CHDH: variants seen among roughly 807,000 people sequenced by gnomAD.
The protein encoded by CHDH is choline dehydrogenase, mitochondrial.
Under a neutral mutation model 56.9 loss-of-function variants are expected in CHDH, and 43 were observed. The ratio of observed to expected loss-of-function variants is 0.76; its 90% CI spans 0.59 to 0.97. The LOEUF is 0.97. CHDH is among the 50% of genes least tolerant of loss of function. The pLI is 0.00. For missense variants in CHDH, 816 were observed against 821.1 expected (o/e 0.99, Z 0.08); for synonymous variants, 364 against 348.5 (o/e 1.04, Z -0.50).
chr3:53,819,400 G>A lies in CHDH; in HGVS notation c.1263+132C>T, dbSNP rs544276983. 3.7e-5 allele frequency: 45 copies of A among 1,224,518 alleles called. No homozygotes were observed. The South Asian group carries it at 5.6e-4, about 15-fold the overall frequency. 75.9% of individuals were successfully genotyped at this position (1,224,518 alleles called of 1,614,324 possible). On this transcript the variant is annotated intron_variant, in intron 7 of 8. Transcript: ENST00000315251. The surrounding 1 kb of genome is among the most constrained non-coding windows in gnomAD (Gnocchi z 5.4). ...ACACGCTGGGCAGCTGGAAGGCAGG[G>A]GACAGGCCTCTGTGTCCCCCACTCT...
chr3:53,835,054 G>A (rs748117073), intron 2 of CHDH, among the ~76,000 whole-genome samples: 8 of 152,198 alleles, frequency 5.3e-5, no homozygotes, highest in Non-Finnish European at 8.8e-5. Context: ...AAAAACAGAT[G>A]CAATTTAAAG....
At chr3:53,826,315 T>TAAAA (rs59355780) in intron 2 of CHDH, among the ~76,000 whole-genome samples, 1 of 139,852 alleles carries the variant, frequency 7.2e-6, no homozygotes, top group African/African-American at 2.5e-5. Flanking sequence ...GACATTACAA[T>TAAAA]AAAAAAAAAA....
At chr3:53,841,469 G>A (rs1698668203) in intron 1 of CHDH, among the ~76,000 whole-genome samples, 1 of 152,210 alleles carries the variant, frequency 6.6e-6, no homozygotes, top group African/African-American at 2.4e-5. Context: ...ACCCAGGCTG[G>A]AGTGCAGTGG....
intron 1 of CHDH, among the ~76,000 whole-genome samples, chr3:53,843,206 G>GTTTTTTTTTT (rs1263452743): frequency 8.1e-6 from 1 of 123,672 alleles, no homozygotes; most frequent in Non-Finnish European, 1.5e-5. Flanking sequence ...TTTTTTTTTG[G>GTTTTTTTTTT]TTCTGCCTCT....
chr3:53,827,766 T>C (rs1420155697), intron 2 of CHDH, among the ~76,000 whole-genome samples: 1 of 152,264 alleles, frequency 6.6e-6, no homozygotes, highest in African/African-American at 2.4e-5. Flanking sequence ...AGATATTTCA[T>C]GTTCGCAAAT....
chr3:53,831,370 C>A (rs1259449860), intron 2 of CHDH, among the ~76,000 whole-genome samples: 3 of 152,208 alleles, frequency 2.0e-5, no homozygotes, highest in Non-Finnish European at 4.4e-5. Flanking sequence ...GCCTGGCTGG[C>A]TTCACCGCTG....
rs780415386 is a variant in CHDH at position 53,822,595 on chromosome 3, G to A, written c.751C>T (p.Arg251Cys). Residue 251 changes from arginine (R) to cysteine (C), a missense_variant, in exon 4 of 9, where the codon CGC becomes TGC. Physicochemically the swap from Arg to Cys is radical, Grantham distance 180 (BLOSUM62 -3). Transcript: ENST00000315251. ...ACAYLHPALS[R>C]TNLKAEAETL... ...TCGGCCTCGGCCTTGAGGTTGGTGCGGCTCAGTGCTGGGTGCAGGTAGGCA... is the reference window on the plus strand; with the variant it reads ...TCGGCCTCGGCCTTGAGGTTGGTGCAGCTCAGTGCTGGGTGCAGGTAGGCA... 2.9e-5 allele frequency: 46 copies of A among 1,612,312 alleles called. No homozygotes were observed. Among genetic ancestry groups the A allele is most frequent in the African/African-American group, 6.7e-5 (5 of 74,934 alleles).
intron 1 of CHDH, among the ~76,000 whole-genome samples, chr3:53,843,782 G>T (rs1435030598): frequency 6.6e-6 from 1 of 152,068 alleles, no homozygotes; most frequent in African/African-American, 2.4e-5. Context: ...ATGTCCAAAG[G>T]TCGCTTCTCT....
Position 53,817,688 on chromosome 3 carries a change from G to A in CHDH, c.*89C>T, listed in dbSNP as rs942961896. 26 of 1,170,602 alleles carry A rather than the reference G, an allele frequency of 2.2e-5. No homozygotes were observed. Among genetic ancestry groups the A allele is most frequent in the South Asian group, 7.8e-5 (5 of 64,284 alleles). The allele number at this position is 1,170,602 out of a possible 1,614,324, so 72.5% of individuals were successfully genotyped here. ...CACCTGGGTCCTAGTGTGCTAGATAGTTTCAGGCAGGAGCCTGGGAGCAAG... is the reference window on the plus strand; with the variant it reads ...CACCTGGGTCCTAGTGTGCTAGATAATTTCAGGCAGGAGCCTGGGAGCAAG... On this transcript the variant is annotated 3_prime_UTR_variant, in exon 9 of 9. Transcript: ENST00000315251.
At chr3:53,832,375 C>CA (rs1429966516) in intron 2 of CHDH, among the ~76,000 whole-genome samples, 1 of 151,850 alleles carries the variant, frequency 6.6e-6, no homozygotes, top group Non-Finnish European at 1.5e-5. Flanking sequence ...ACTAAAAATA[C>CA]AAAAAAATTA....
chr3:53,841,563 A>G (rs892770539), intron 1 of CHDH, among the ~76,000 whole-genome samples: 5 of 152,204 alleles, frequency 3.3e-5, no homozygotes, highest in Non-Finnish European at 7.3e-5. Flanking sequence ...AAGGTTAGCC[A>G]GCCAATTTTC....
rs1312387563 is a variant in CHDH, at chr3:53,846,382, T to C, written c.-430A>G. 1 of 489,100 alleles carries C rather than the reference T, an allele frequency of 2.0e-6. No homozygotes were observed. 30.3% of individuals were successfully genotyped at this position (489,100 alleles called of 1,614,324 possible). On this transcript the variant is annotated 5_prime_UTR_variant, in exon 1 of 9. Transcript: ENST00000315251. ...GCGGCGGCCCGTGCTCCGCCAGCGCTCGGACACGGCCCATCCCTCCGAGCC... is the reference window on the plus strand; with the variant it reads ...GCGGCGGCCCGTGCTCCGCCAGCGCCCGGACACGGCCCATCCCTCCGAGCC...
At chr3:53,823,218 G>A in intron 3 of CHDH, 88 bp downstream of exon 3, 1 of 1,245,486 alleles carries the variant, frequency 8.0e-7, no homozygotes, top group Non-Finnish European at 1.1e-6. Flanking sequence ...GACCATGCTG[G>A]AGCCAGGAGC....
Position 53,817,605 on chromosome 3 carries a change from C to T in CHDH, c.*172G>A. On this transcript the variant is annotated 3_prime_UTR_variant, in exon 9 of 9. Coordinates refer to ENST00000315251, the MANE Select transcript of CHDH (RefSeq NM_018397.5). ...GGGGAAAAGGAGCTGGATTCACTGCCCAGTACTTGTCTCATTTCCCAAGAC... is the reference window on the plus strand; with the variant it reads ...GGGGAAAAGGAGCTGGATTCACTGCTCAGTACTTGTCTCATTTCCCAAGAC... 1.6e-6 allele frequency: 1 copy of T among 608,308 alleles called. No individual in the cohort carries two copies. The highest frequency in any genetic ancestry group is 2.8e-5 in the East Asian group (1 of 35,878). The allele number at this position is 608,308 out of a possible 1,614,324, so 37.7% of individuals were successfully genotyped here.
intron 1 of CHDH, among the ~76,000 whole-genome samples, chr3:53,841,322 C>T (rs1698663331): frequency 6.6e-6 from 1 of 152,152 alleles, no homozygotes; most frequent in Non-Finnish European, 1.5e-5. Flanking sequence ...ATCTTCCCTT[C>T]CCACTGTCTG....
chr3:53,830,049 A>C (rs1034568423), intron 2 of CHDH, among the ~76,000 whole-genome samples: 1 of 152,216 alleles, frequency 6.6e-6, no homozygotes, highest in African/African-American at 2.4e-5. Flanking sequence ...TACAGGACCT[A>C]TATACTGAAA....
Position 53,819,162 on chromosome 3 carries a change from G to A in CHDH, c.1264-122C>T. On this transcript the variant is annotated intron_variant, in intron 7 of 8. Coordinates refer to ENST00000315251, the MANE Select transcript of CHDH (RefSeq NM_018397.5). The surrounding 1 kb of genome is among the most constrained non-coding windows in gnomAD (Gnocchi z 5.4). ...CAGAATCAGTGGGGAACAGATGCATGTTAGCATTTGCCCGCATGGTACCCA... is the reference window on the plus strand; with the variant it reads ...CAGAATCAGTGGGGAACAGATGCATATTAGCATTTGCCCGCATGGTACCCA... 2 of 684,632 alleles carry A rather than the reference G, an allele frequency of 2.9e-6. No homozygotes were observed. Among genetic ancestry groups the A allele is most frequent in the South Asian group, 1.8e-5 (1 of 55,516 alleles). 42.4% of individuals were successfully genotyped at this position (684,632 alleles called of 1,614,324 possible).
At position 53,823,360 on chromosome 3, in the gene CHDH, T is replaced by C. The variant is rs1330080827; in HGVS notation, c.649A>G (p.Met217Val). 3.7e-6 allele frequency: 6 copies of C among 1,603,346 alleles called. No individual in the cohort carries two copies. The highest frequency in any genetic ancestry group is 5.1e-6 in the Non-Finnish European group (6 of 1,174,484). ...AAGCCCTCCTGCTGGAAGCCATTCATGTCCTCGGTGAGCGGGTAGCCGGCC... is the reference window on the plus strand; with the variant it reads ...AAGCCCTCCTGCTGGAAGCCATTCACGTCCTCGGTGAGCGGGTAGCCGGCC... ...QQAGYPLTED[M>V]NGFQQEGFGW... Residue 217 changes from methionine (M) to valine (V), a missense_variant, in exon 3 of 9, where the codon ATG becomes GTG. By Grantham distance (21) the Met-to-Val change is conservative (BLOSUM62 1). Transcript: ENST00000315251.
At position 53,812,674 on chromosome 3, in the gene CHDH, C is replaced by G. The variant is rs982469395; in HGVS notation, c.*5103G>C. The G allele has an allele frequency of 2.0e-5, 3 of 152,146 alleles. No individual in the cohort carries two copies. Among genetic ancestry groups the G allele is most frequent in the Non-Finnish European group, 2.9e-5 (2 of 68,038 alleles). 9.4% of individuals were successfully genotyped at this position (152,146 alleles called of 1,614,324 possible). On this transcript the variant is annotated 3_prime_UTR_variant, in exon 9 of 9. Transcript: ENST00000315251. ...CCATAGTTACGGTTTTCTCTGTGGC[C>G]CACCCAGGGTGTTTTTTGCATCGCT...
Sources: gnomAD v4.1 joint callset for allele counts (sites outside exome capture counted in the v4.1 genomes callset) on GRCh38, gnomAD v4.1.1 for gene constraint, Gnocchi (gnomAD v3.1) non-coding constraint, MANE v1.5 for transcripts, NCBI Gene and HGNC (gene_info 2026-07-23, HGNC 2026-07-21) for gene names.